The following GMDS variants were observed in gnomAD, a reference collection of about 807,000 sequenced individuals.
GMDS encodes the protein GDP-mannose 4,6 dehydratase.
Under a neutral mutation model 49.9 loss-of-function variants are expected in GMDS, and 20 were observed. The ratio of observed to expected loss-of-function variants is 0.40; its 90% CI spans 0.28 to 0.58. GMDS has a LOEUF of 0.58. Ranked by LOEUF, GMDS falls within the 20% of genes least tolerant of loss-of-function variation. GMDS has a pLI of 0.42. For synonymous variants in GMDS, 177 were observed against 178.6 expected, an observed-to-expected ratio of 0.99 and a Z score of 0.07; for missense variants, 362 against 481.4, an observed-to-expected ratio of 0.75 and a Z score of 2.32.
intron 9 of GMDS, among the ~76,000 whole-genome samples, chr6:1,690,748 ACATATAAAAAGAAG>A (rs1178050183): frequency 2.0e-5 from 3 of 152,266 alleles, no homozygotes; most frequent in Admixed American, 6.5e-5. Context: ...CAGCCAACAA[ACATATAAAAAGAAG>A]CTCAACATCG....
chr6:1,991,761 C>A (rs1455297514), intron 4 of GMDS, among the ~76,000 whole-genome samples: 1 of 152,190 alleles, frequency 6.6e-6, no homozygotes, highest in Non-Finnish European at 1.5e-5. Context: ...TCCCTGGCAA[C>A]TCAGAATGTG....
intron 9 of GMDS, among the ~76,000 whole-genome samples, chr6:1,659,062 C>A (rs1417587438): frequency 6.6e-6 from 1 of 152,192 alleles, no homozygotes; most frequent in African/African-American, 2.4e-5. Flanking sequence ...TGGCAAACTC[C>A]TCATGAACCA....
At chr6:1,950,975 A>C (rs1455083077) in intron 6 of GMDS, among the ~76,000 whole-genome samples, 2 of 152,150 alleles carry the variant, frequency 1.3e-5, no homozygotes, top group Non-Finnish European at 2.9e-5. Context: ...TCTACCTACC[A>C]GACACCAATA....
At chr6:1,935,845 T>TAAA (rs1762502165) in intron 6 of GMDS, among the ~76,000 whole-genome samples, 1 of 152,148 alleles carries the variant, frequency 6.6e-6, no homozygotes, top group South Asian at 2.1e-4. Context: ...ACTGCCACAT[T>TAAA]AAAAACCAGT....
At chr6:1,763,136 G>A (rs1251510231) in intron 7 of GMDS, among the ~76,000 whole-genome samples, 1 of 152,188 alleles carries the variant, frequency 6.6e-6, no homozygotes, top group Non-Finnish European at 1.5e-5. Flanking sequence ...CAAGGTGGGT[G>A]AGGCTGACTG....
intron 4 of GMDS, among the ~76,000 whole-genome samples, chr6:1,999,142 T>C (rs1049425768): frequency 6.6e-6 from 1 of 151,924 alleles, no homozygotes; most frequent in Non-Finnish European, 1.5e-5. Flanking sequence ...GCCAACATGG[T>C]GAAACCCCGT....
chr6:1,654,304 T>A (rs1357113947), intron 9 of GMDS, among the ~76,000 whole-genome samples: 1 of 152,324 alleles, frequency 6.6e-6, no homozygotes, highest in African/African-American at 2.4e-5. Context: ...TAGACACTTG[T>A]CCACTCATAT....
intron 8 of GMDS, among the ~76,000 whole-genome samples, chr6:1,727,557 G>A (rs1766641095): frequency 6.6e-6 from 1 of 151,560 alleles, no homozygotes; most frequent in Non-Finnish European, 1.5e-5. Flanking sequence ...GTGCTCTCGG[G>A]GTCAGAGTCA....
chr6:1,975,554 G>C (rs2127332869), intron 4 of GMDS, among the ~76,000 whole-genome samples: 2 of 152,284 alleles, frequency 1.3e-5, no homozygotes, highest in Middle Eastern at 6.8e-3. Flanking sequence ...CCAGTTTAGA[G>C]ATTATTCTTA....
intron 4 of GMDS, among the ~76,000 whole-genome samples, chr6:2,115,505 A>T (rs370557775): frequency 6.6e-6 from 1 of 152,336 alleles, no homozygotes; most frequent in East Asian, 1.9e-4. Flanking sequence ...CATGGGCCTC[A>T]TGGCTACAGG....
intron 1 of GMDS, among the ~76,000 whole-genome samples, chr6:2,243,228 G>A (rs1581852110): frequency 6.6e-6 from 1 of 152,324 alleles, no homozygotes; most frequent in Non-Finnish European, 1.5e-5. Context: ...TGCTGAGTGT[G>A]GTGCTTCAGG....
intron 1 of GMDS, among the ~76,000 whole-genome samples, chr6:2,184,680 T>G (rs1778699787): frequency 6.6e-6 from 1 of 152,232 alleles, no homozygotes; most frequent in Non-Finnish European, 1.5e-5. Flanking sequence ...TCATAAAACT[T>G]TTGTAAAAAT....
intron 7 of GMDS, among the ~76,000 whole-genome samples, chr6:1,783,099 G>A (rs1278645836): frequency 1.3e-5 from 2 of 152,206 alleles, no homozygotes; most frequent in African/African-American, 4.8e-5. Context: ...AGGCTGTAGT[G>A]AGCAGAGATC....
At chr6:1,781,573 C>T (rs1769086300) in intron 7 of GMDS, among the ~76,000 whole-genome samples, 1 of 152,202 alleles carries the variant, frequency 6.6e-6, no homozygotes. Flanking sequence ...CTGCTGTCTC[C>T]CTGGCACCCT....
intron 6 of GMDS, among the ~76,000 whole-genome samples, chr6:1,956,407 G>A (rs528058940): frequency 6.6e-6 from 1 of 152,208 alleles, no homozygotes; most frequent in Non-Finnish European, 1.5e-5. Context: ...CCTATTGTTA[G>A]ATTAAAAAAT....
At chr6:1,633,911 T>C (rs1299464709) in intron 9 of GMDS, among the ~76,000 whole-genome samples, 1 of 152,206 alleles carries the variant, frequency 6.6e-6, no homozygotes, top group Non-Finnish European at 1.5e-5. Flanking sequence ...CTGCAGGCTG[T>C]GGCTGGAGGT....
chr6:1,793,677 C>T (rs767012355), intron 7 of GMDS, among the ~76,000 whole-genome samples: 1 of 152,110 alleles, frequency 6.6e-6, no homozygotes, highest in Non-Finnish European at 1.5e-5. Context: ...AGTCAAAAGC[C>T]ACGTAGAGGA....
chr6:1,708,471 G>A (rs997955429), intron 9 of GMDS, among the ~76,000 whole-genome samples: 4 of 152,350 alleles, frequency 2.6e-5, no homozygotes, highest in African/African-American at 9.6e-5. Context: ...GTCCAAGTCT[G>A]AACTGCCCGG....
intron 1 of GMDS, among the ~76,000 whole-genome samples, chr6:2,184,169 C>G (rs549502048): frequency 7.3e-4 from 111 of 152,182 alleles, no homozygotes; most frequent in African/African-American, 2.3e-3. Context: ...TTTTCTCTGC[C>G]CACACTTTTA....
Sources: gnomAD v4.1 joint callset for allele counts (sites outside exome capture counted in the v4.1 genomes callset) on GRCh38, gnomAD v4.1.1 for gene constraint, MANE v1.5 for transcripts, NCBI Gene and HGNC (gene_info 2026-07-23, HGNC 2026-07-21) for gene names.